The following GRM8 variants were observed in gnomAD, a reference collection of about 807,000 sequenced individuals.
The protein encoded by GRM8 is glutamate metabotropic receptor 8.
A neutral mutation model predicts 87.2 loss-of-function variants in GRM8; 47 were observed. That is an observed-to-expected ratio of 0.54 (90% CI 0.43 to 0.69). GRM8 has a LOEUF of 0.69. GRM8 is among the 30% of genes least tolerant of loss of function. The pLI is 0.00. For synonymous variants in GRM8, 396 were observed against 404.5 expected (o/e 0.98, Z 0.25); for missense variants, 1,019 against 1,139.2 (o/e 0.89, Z 1.52).
At chr7:126,897,251 G>A (rs187789052) in intron 6 of GRM8, among the ~76,000 whole-genome samples, 60 of 152,180 alleles carry the variant, frequency 3.9e-4, no homozygotes, top group African/African-American at 1.4e-3. Context: ...TCACTATTGG[G>A]TCCTCACTAT....
intron 2 of GRM8, among the ~76,000 whole-genome samples, chr7:127,122,336 G>A (rs1344211104): frequency 2.0e-5 from 3 of 152,008 alleles, no homozygotes; most frequent in African/African-American, 7.2e-5. Context: ...GAATCCTTTT[G>A]CATAGACCGT....
chr7:126,911,638 C>T (rs956471897), intron 3 of GRM8, among the ~76,000 whole-genome samples: 1 of 152,180 alleles, frequency 6.6e-6, no homozygotes, highest in Non-Finnish European at 1.5e-5. Flanking sequence ...ACAAAATTTG[C>T]TCTTGGCATC....
chr7:126,890,604 C>T (rs1272006213), intron 6 of GRM8, among the ~76,000 whole-genome samples: 1 of 152,058 alleles, frequency 6.6e-6, no homozygotes, highest in Non-Finnish European at 1.5e-5. Context: ...CTCCCACCCC[C>T]TGAGAGAGAA....
At chr7:127,155,414 C>G (rs1295492107) in intron 2 of GRM8, among the ~76,000 whole-genome samples, 1 of 152,154 alleles carries the variant, frequency 6.6e-6, no homozygotes, top group Non-Finnish European at 1.5e-5. Flanking sequence ...TCTCATCGAT[C>G]TTTTAAAATA....
intron 2 of GRM8, among the ~76,000 whole-genome samples, chr7:127,188,626 T>A (rs918348390): frequency 1.3e-5 from 2 of 152,240 alleles, no homozygotes; most frequent in East Asian, 3.8e-4. Context: ...ACATAATTTT[T>A]TTTAACTTGT....
rs114020145 is a variant in GRM8, at chr7:126,678,139, A to C, written c.1358-68641T>G. On this transcript the variant is annotated intron_variant, in intron 7 of 10. Transcript: ENST00000339582. ...TTCACAATAGATGTTTTTAAAACTCAAAAAAATAAGATTTTATATTTAGTA... is the reference window on the plus strand; with the variant it reads ...TTCACAATAGATGTTTTTAAAACTCCAAAAAATAAGATTTTATATTTAGTA... 7.4e-3 allele frequency among the ~76,000 whole-genome samples: 1,121 copies of C among 152,336 alleles called. 21 individuals carry two copies. The highest frequency in any genetic ancestry group is 0.025 in the African/African-American group (1,058 of 41,584).
At chr7:126,752,325 AAATT>A (rs1410659884) in intron 7 of GRM8, among the ~76,000 whole-genome samples, 1 of 152,086 alleles carries the variant, frequency 6.6e-6, no homozygotes, top group African/African-American at 2.4e-5. Flanking sequence ...ATGACTATGA[AAATT>A]AATTAACATT....
intron 6 of GRM8, among the ~76,000 whole-genome samples, chr7:126,834,603 T>A (rs1301253794): frequency 2.6e-5 from 4 of 152,186 alleles, no homozygotes; most frequent in African/African-American, 4.8e-5. Context: ...AGAACTGATT[T>A]TTCAGTTGTC....
intron 7 of GRM8, among the ~76,000 whole-genome samples, chr7:126,708,625 A>G (rs1810792076): frequency 6.6e-6 from 1 of 151,638 alleles, no homozygotes; most frequent in South Asian, 2.1e-4. Context: ...TAGTACATAC[A>G]GTAGAGTACT....
chr7:127,013,952 G>A (rs1431622805), intron 3 of GRM8, among the ~76,000 whole-genome samples: 4 of 152,158 alleles, frequency 2.6e-5, no homozygotes, highest in Admixed American at 6.5e-5. Context: ...CTAAGACAAA[G>A]TGCATCAGCC....
intron 7 of GRM8, among the ~76,000 whole-genome samples, chr7:126,699,578 T>A (rs559149033): frequency 6.6e-6 from 1 of 152,164 alleles, no homozygotes; most frequent in Non-Finnish European, 1.5e-5. Context: ...CCTCTTCTAT[T>A]TCCTCTTTCA....
intron 7 of GRM8, among the ~76,000 whole-genome samples, chr7:126,709,933 A>G (rs1191818631): frequency 6.6e-6 from 1 of 152,164 alleles, no homozygotes; most frequent in Non-Finnish European, 1.5e-5. Context: ...GACAAATACC[A>G]TTATGTTCTC....
At chr7:127,139,712 T>C (rs1288762877) in intron 2 of GRM8, among the ~76,000 whole-genome samples, 2 of 152,132 alleles carry the variant, frequency 1.3e-5, no homozygotes, top group Non-Finnish European at 2.9e-5. Flanking sequence ...GGAAAGCCTG[T>C]GTTAGAGTAG....
intron 7 of GRM8, among the ~76,000 whole-genome samples, chr7:126,686,780 G>A (rs148528218): frequency 6.6e-6 from 1 of 152,168 alleles, no homozygotes; most frequent in African/African-American, 2.4e-5. Context: ...TGGACAGAAT[G>A]AGCCCAGCAG....
chr7:126,953,228 G>A (rs187551276), intron 3 of GRM8, among the ~76,000 whole-genome samples: 2 of 152,106 alleles, frequency 1.3e-5, no homozygotes, highest in Middle Eastern at 3.4e-3. Context: ...AAATTATACC[G>A]GGGAAACCAC....
chr7:126,995,498 T>G (rs1039485548), intron 3 of GRM8, among the ~76,000 whole-genome samples: 1 of 152,126 alleles, frequency 6.6e-6, no homozygotes, highest in Non-Finnish European at 1.5e-5. Flanking sequence ...TCAGATACAT[T>G]TAACAAAGAG....
intron 3 of GRM8, among the ~76,000 whole-genome samples, chr7:126,969,079 T>C (rs1204588): frequency 0.41 from 62,144 of 152,012 alleles, 12,887 homozygotes; most frequent in East Asian, 0.66. Flanking sequence ...CACATTAACT[T>C]TAAAATATTT....
chr7:126,446,020 T>C, intron 10 of GRM8, 106 bp downstream of exon 10: 1 of 1,354,190 alleles, frequency 7.4e-7, no homozygotes, highest in South Asian at 1.2e-5. Flanking sequence ...ATCATGCCCC[T>C]GGAAACATGT....
chr7:127,010,414 G>A (rs952771553), intron 3 of GRM8, among the ~76,000 whole-genome samples: 1 of 152,128 alleles, frequency 6.6e-6, no homozygotes, highest in South Asian at 2.1e-4. Flanking sequence ...AACCGTACAG[G>A]TGGTAAGCAA....
Sources: allele counts gnomAD v4.1 joint callset (sites outside exome capture counted in the v4.1 genomes callset), GRCh38; gene constraint gnomAD v4.1.1; transcripts MANE v1.5; gene names NCBI Gene and HGNC (gene_info 2026-07-23, HGNC 2026-07-21).